RASSF3: variants seen among roughly 807,000 people sequenced by gnomAD.
RASSF3 encodes ras association domain-containing protein 3.
A neutral mutation model predicts 19.9 loss-of-function variants in RASSF3; 19 were observed. That is an observed-to-expected ratio of 0.96 (90% confidence interval 0.67 to 1.40). The LOEUF is 1.40. Ranked by LOEUF, RASSF3 falls within the 40% of genes most tolerant of loss-of-function variation. The pLI is 0.00. For missense variants in RASSF3, 306 were observed against 289.8 expected (o/e 1.06, Z -0.41); for synonymous variants, 110 against 104.2 (o/e 1.06, Z -0.34).
At chr12:64,556,782 C>T (rs1007485104) in intron 2 of RASSF3, among the ~76,000 whole-genome samples, 7 of 151,262 alleles carry the variant, frequency 4.6e-5, no homozygotes, top group Admixed American at 1.3e-4. Context: ...TGCAGTTGGT[C>T]TCAGGGGCAC....
intron 1 of RASSF3, among the ~76,000 whole-genome samples, chr12:64,509,920 C>A (rs1241914487): frequency 6.6e-6 from 1 of 152,032 alleles, no homozygotes; most frequent in African/African-American, 2.4e-5. Context: ...AACCCCATCT[C>A]TACTAAAAAT....
At chr12:64,684,013 AGTGT>A (rs10598381) in intron 1 of RASSF3, among the ~76,000 whole-genome samples, 42,082 of 138,152 alleles carry the variant, frequency 0.3, 6,394 homozygotes, top group Non-Finnish European at 0.38. Flanking sequence ...AGAGAGAGTG[AGTGT>A]GTGTGTGTGT....
At chr12:64,610,271 T>C (rs1376605461), upstream of RASSF3, among the ~76,000 whole-genome samples, 1 of 151,962 alleles carries the variant, frequency 6.6e-6, no homozygotes, top group Non-Finnish European at 1.5e-5. Context: ...AGCGCCCGGC[T>C]TTCCGGGTTC....
rs1002717938 is a variant in RASSF3, at chr12:64,541,365, A to C, written c.68-216A>C. Among the ~76,000 whole-genome samples the C allele has an allele frequency of 5.3e-5, 8 of 152,210 alleles. No homozygotes were observed. In the East Asian group the frequency reaches 1.5e-3, roughly 29 times the overall value. On this transcript the variant is annotated intron_variant, in intron 1 of 1. Transcript: ENST00000636333. ...TCTCCTGTCTTTGTGAAAGATATTC[A>C]GTGATAGTGTGATTGAATTTCAGAG...
At chr12:64,523,384 C>T (rs561529217) in intron 1 of RASSF3, among the ~76,000 whole-genome samples, 3 of 151,860 alleles carry the variant, frequency 2.0e-5, no homozygotes, top group South Asian at 2.1e-4. Context: ...CCAGCCTGGG[C>T]GACAGAGTAA....
At chr12:64,529,601 A>G (rs1265685126), upstream of RASSF3, among the ~76,000 whole-genome samples, 1 of 152,220 alleles carries the variant, frequency 6.6e-6, no homozygotes, top group African/African-American at 2.4e-5. Flanking sequence ...GAGCAGAAAG[A>G]TGTAAATAGA....
intron 2 of RASSF3, among the ~76,000 whole-genome samples, chr12:64,595,107 G>A (rs1054769640): frequency 4.3e-5 from 5 of 116,688 alleles, no homozygotes; most frequent in South Asian, 2.7e-4. Context: ...TTGCTCTGTC[G>A]CCCAGGCTGG....
Position 64,688,249 on chromosome 12 carries a change from G to T in RASSF3, c.253G>T (p.Val85Leu). 6.2e-7 allele frequency: 1 copy of T among 1,614,108 alleles called. No homozygotes were observed. Among genetic ancestry groups the T allele is most frequent in the South Asian group, 1.1e-5 (1 of 91,090 alleles). Residue 85 changes from valine to leucine, a missense_variant, in exon 3 of 5, where the codon GTA (valine) becomes TTA (leucine). Val to Leu is a conservative substitution (Grantham distance 32). Coordinates refer to ENST00000542104, the MANE Select transcript of RASSF3 (RefSeq NM_178169.4). ...SNGIYTGFIK[V>L]QMELCKPPQT... is the part of the protein sequence containing the mutation. ...TGGGATTTACACTGGCTTCATTAAA[G>T]TACAGATGGAACTCTGCAAACCTCC...
chr12:64,647,111 A>G (rs1038243546), intron 1 of RASSF3, among the ~76,000 whole-genome samples: 62 of 152,296 alleles, frequency 4.1e-4, no homozygotes, highest in African/African-American at 1.5e-3. Flanking sequence ...AATGATCTCT[A>G]TGTAGTTAGG....
At chr12:64,541,936 C>T (rs1016316162), downstream of RASSF3, among the ~76,000 whole-genome samples, 1 of 152,170 alleles carries the variant, frequency 6.6e-6, no homozygotes, top group Non-Finnish European at 1.5e-5. Flanking sequence ...TTTTATCCAA[C>T]AGATTTGTCA....
intron 1 of RASSF3, among the ~76,000 whole-genome samples, chr12:64,627,160 A>G (rs541801180): frequency 6.9e-4 from 105 of 152,216 alleles, no homozygotes; most frequent in Non-Finnish European, 1.3e-3. Flanking sequence ...CTACTAAAAA[A>G]TGGTTTTCTC....
chr12:64,578,024 G>A (rs1410495202), intron 2 of RASSF3, among the ~76,000 whole-genome samples: 1 of 152,072 alleles, frequency 6.6e-6, no homozygotes, highest in Non-Finnish European at 1.5e-5. Flanking sequence ...TTTGAGACCA[G>A]CCTGGCCAAC....
intron 1 of RASSF3, among the ~76,000 whole-genome samples, chr12:64,518,513 C>T (rs1868406051): frequency 6.6e-6 from 1 of 152,198 alleles, no homozygotes; most frequent in Non-Finnish European, 1.5e-5. Context: ...AGAGTGAGAA[C>T]TCACTTATTA....
chr12:64,669,322 AG>A (rs1375191261), intron 1 of RASSF3, among the ~76,000 whole-genome samples: 1 of 151,960 alleles, frequency 6.6e-6, no homozygotes, highest in Non-Finnish European at 1.5e-5. Flanking sequence ...GGATTGTCCC[AG>A]AATGTGTGAA....
At chr12:64,669,081 T>A (rs1474580007) in intron 1 of RASSF3, among the ~76,000 whole-genome samples, 1 of 152,160 alleles carries the variant, frequency 6.6e-6, no homozygotes, top group African/African-American at 2.4e-5. Flanking sequence ...ACACCTGGGA[T>A]TGATTTTGAA....
rs1031347929 is a variant in RASSF3 at position 64,695,976 on chromosome 12, A to T, written c.*1064A>T. ...TTGATTGTTAGCTAGGATATTTGTC[A>T]AGTAAACTTTGGTGACAATCACTCT... On this transcript the variant is annotated 3_prime_UTR_variant, in exon 5 of 5. Coordinates refer to ENST00000542104, the MANE Select transcript of RASSF3 (RefSeq NM_178169.4). 7.2e-5 allele frequency: 11 copies of T among 152,122 alleles called. No homozygotes were observed. The highest frequency in any genetic ancestry group is 2.7e-4 in the African/African-American group (11 of 41,410). 9.4% of individuals were successfully genotyped at this position (152,122 alleles called of 1,614,324 possible).
downstream of RASSF3, among the ~76,000 whole-genome samples, chr12:64,543,064 GGGCCCCGCACTTGGAGTGGC>G (rs1565835979): frequency 1.3e-4 from 6 of 44,740 alleles, no homozygotes; most frequent in African/African-American, 3.8e-4. Context: ...TTGGAGTGGC[GGGCCCCGCACTTGGAGTGGC>G]GGGCCCCGCA....
chr12:64,683,900 CTG>C (rs1026829245), intron 1 of RASSF3, among the ~76,000 whole-genome samples: 9 of 151,272 alleles, frequency 5.9e-5, no homozygotes, highest in Admixed American at 4.6e-4. Context: ...CCTAGGAAGA[CTG>C]TAGTATGAAA....
chr12:64,534,469 T>C (rs545284478), intron 1 of RASSF3, among the ~76,000 whole-genome samples: 7 of 152,304 alleles, frequency 4.6e-5, no homozygotes, highest in Non-Finnish European at 8.8e-5. Flanking sequence ...CACTCTAGCC[T>C]GGGTAACAGA....
Sources: gnomAD v4.1 joint callset for allele counts (sites outside exome capture counted in the v4.1 genomes callset) on GRCh38, gnomAD v4.1.1 for gene constraint, MANE v1.5 for transcripts, NCBI Gene and HGNC (gene_info 2026-07-23, HGNC 2026-07-21) for gene names.